Variants in CLSTN2 observed in about 807,000 individuals in gnomAD.
The protein encoded by CLSTN2 is calsyntenin 2, also known as calsyntenin-2.
A neutral mutation model predicts 101.2 loss-of-function variants in CLSTN2; 48 were observed. The observed-to-expected ratio is 0.47, with a 90% CI of 0.38 to 0.60. The LOEUF (loss-of-function observed/expected upper bound fraction) is 0.60, where lower values mean the gene tolerates loss of function less well. Ranked by LOEUF, CLSTN2 falls within the 20% of genes least tolerant of loss-of-function variation. The pLI, the probability that CLSTN2 is intolerant of heterozygous loss-of-function variation, is 0.00. For missense variants in CLSTN2, 1,160 were observed against 1,238.2 expected, an observed-to-expected ratio of 0.94 and a Z score of 0.95; for synonymous variants, 481 against 463.6, an observed-to-expected ratio of 1.04 and a Z score of -0.48.
intron 1 of CLSTN2, among the ~76,000 whole-genome samples, chr3:140,175,696 A>G (rs1457059860): frequency 6.6e-6 from 1 of 152,202 alleles, no homozygotes; most frequent in African/African-American, 2.4e-5. Flanking sequence ...CCGTGGTCTT[A>G]GAGGCAAAAC....
chr3:140,481,150 C>T (rs933931841), intron 8 of CLSTN2, among the ~76,000 whole-genome samples: 1 of 152,166 alleles, frequency 6.6e-6, no homozygotes, highest in Non-Finnish European at 1.5e-5. Flanking sequence ...GATCCAGTTT[C>T]AGCTTTCTAC....
chr3:140,305,023 GACACAC>G (rs374893786), intron 2 of CLSTN2, among the ~76,000 whole-genome samples: 156 of 143,160 alleles, frequency 1.1e-3, no homozygotes, highest in Non-Finnish European at 1.7e-3. Flanking sequence ...CACACACAGA[GACACAC>G]ACACACACAC....
intron 2 of CLSTN2, among the ~76,000 whole-genome samples, chr3:140,249,081 C>T (rs1450289150): frequency 1.3e-5 from 2 of 152,128 alleles, no homozygotes; most frequent in Non-Finnish European, 2.9e-5. Context: ...CCTATTCCTT[C>T]CCTGCTGCTT....
chr3:140,164,161 G>T (rs1286882423), intron 1 of CLSTN2, among the ~76,000 whole-genome samples: 1 of 151,880 alleles, frequency 6.6e-6, no homozygotes, highest in Admixed American at 6.6e-5. Context: ...CTTTTTCCTT[G>T]CCCCTTTTTA....
At chr3:140,163,639 T>C (rs922894627) in intron 1 of CLSTN2, among the ~76,000 whole-genome samples, 1 of 151,442 alleles carries the variant, frequency 6.6e-6, no homozygotes, top group African/African-American at 2.4e-5. Flanking sequence ...TGCCATTGCA[T>C]TGACTTCTTG....
intron 2 of CLSTN2, among the ~76,000 whole-genome samples, chr3:140,192,530 C>T (rs968539519): frequency 5.3e-5 from 8 of 151,778 alleles, no homozygotes; most frequent in African/African-American, 1.9e-4. Flanking sequence ...TGAAGTGGCC[C>T]TTTAATCATT....
chr3:140,406,563 C>T (rs892501104), intron 4 of CLSTN2, among the ~76,000 whole-genome samples: 1 of 152,238 alleles, frequency 6.6e-6, no homozygotes, highest in Non-Finnish European at 1.5e-5. Context: ...CTGTCAGAAT[C>T]GTTCCCCGAT....
rs140530726 is a variant in CLSTN2, at chr3:139,978,290, T to C, written c.109+42807T>C. Among the ~76,000 whole-genome samples the C allele has an allele frequency of 3.3e-3, 500 of 152,308 alleles. 1 individual carries two copies. The highest frequency in any genetic ancestry group is 6.3e-3 in the Admixed American group (97 of 15,304). The stretch of plus-strand genomic sequence containing the variant: ...TCTCATGGGATATCTATACACTTGT[T>C]TTTGAACTGTTGCTCTGGGGATAAT... On this transcript the variant is annotated intron_variant, in intron 1 of 16. Transcript: ENST00000458420.
At chr3:140,102,656 C>G (rs566374475) in intron 1 of CLSTN2, among the ~76,000 whole-genome samples, 2 of 152,324 alleles carry the variant, frequency 1.3e-5, no homozygotes, top group Non-Finnish European at 2.9e-5. Context: ...TGTTTCTTCA[C>G]ATTGTTAATG....
intron 8 of CLSTN2, among the ~76,000 whole-genome samples, chr3:140,521,366 C>T (rs1257284233): frequency 6.6e-6 from 1 of 152,184 alleles, no homozygotes; most frequent in Non-Finnish European, 1.5e-5. Flanking sequence ...AGTCAGGCTA[C>T]CCTTCCATAG....
chr3:139,997,751 T>C (rs982423016), intron 1 of CLSTN2, among the ~76,000 whole-genome samples: 6 of 152,212 alleles, frequency 3.9e-5, no homozygotes, highest in Non-Finnish European at 8.8e-5. Context: ...CAAATATACA[T>C]TTTCAAATAT....
chr3:140,038,117 A>C (rs2007694641), intron 1 of CLSTN2, among the ~76,000 whole-genome samples: 1 of 152,126 alleles, frequency 6.6e-6, no homozygotes, highest in Non-Finnish European at 1.5e-5. Context: ...TTGAGGAATC[A>C]CCACACTGTC....
intron 1 of CLSTN2, among the ~76,000 whole-genome samples, chr3:140,071,597 T>C (rs914464448): frequency 1.3e-5 from 2 of 152,174 alleles, no homozygotes; most frequent in Non-Finnish European, 2.9e-5. Flanking sequence ...TTTGGGAGGC[T>C]GAGGCGGGTG....
intron 2 of CLSTN2, among the ~76,000 whole-genome samples, chr3:140,225,281 C>T (rs1269010329): frequency 6.6e-6 from 1 of 152,178 alleles, no homozygotes; most frequent in Non-Finnish European, 1.5e-5. Context: ...AGACACCAGC[C>T]ACCTTTCCTG....
intron 1 of CLSTN2, among the ~76,000 whole-genome samples, chr3:139,966,550 G>A (rs1337653040): frequency 6.6e-6 from 1 of 152,078 alleles, no homozygotes; most frequent in African/African-American, 2.4e-5. Flanking sequence ...CTCAGCTCAG[G>A]CCTCACCCCT....
Position 140,225,460 on chromosome 3 carries a change from T to C in CLSTN2, c.232+49387T>C, listed in dbSNP as rs917998428. On this transcript the variant is annotated intron_variant, in intron 2 of 16. Transcript: ENST00000458420. ...TGCAGCATAAAGTTCAAATATTTTA[T>C]GCAAGATGAATACGGGCACTGACAT... is the stretch of plus-strand genomic sequence containing the variant. 2.0e-5 allele frequency among the ~76,000 whole-genome samples: 3 copies of C among 151,704 alleles called. No homozygotes were observed. In the South Asian group the frequency reaches 6.3e-4, roughly 32 times the overall value.
At chr3:139,948,440 G>A (rs915844968) in intron 1 of CLSTN2, among the ~76,000 whole-genome samples, 1 of 151,752 alleles carries the variant, frequency 6.6e-6, no homozygotes, top group Non-Finnish European at 1.5e-5. Context: ...ACTCCGGCTT[G>A]GGTGACAGAG....
chr3:140,230,867 T>C (rs1284745100), intron 2 of CLSTN2, among the ~76,000 whole-genome samples: 2 of 152,130 alleles, frequency 1.3e-5, no homozygotes, highest in African/African-American at 4.8e-5. Context: ...AAGCACTCCT[T>C]CATTATATTT....
In CLSTN2 at chr3:140,569,122, G is replaced by T. The variant is rs1213171773; in HGVS notation, c.*2869G>T. The T allele has an allele frequency of 6.6e-6, 1 of 152,246 alleles. No homozygotes were observed. The highest frequency in any genetic ancestry group is 2.4e-5 in the African/African-American group (1 of 41,458). 9.4% of individuals were successfully genotyped at this position (152,246 alleles called of 1,614,324 possible). On this transcript the variant is annotated 3_prime_UTR_variant, in exon 17 of 17. Coordinates refer to ENST00000458420, the MANE Select transcript of CLSTN2 (RefSeq NM_022131.3). ...CGGGAGTGGTTATATCCCAGTAACA[G>T]AAGCTTTGGGAGGTATCCAGGTGAG...
Sources: allele counts gnomAD v4.1 joint callset (sites outside exome capture counted in the v4.1 genomes callset), GRCh38; gene constraint gnomAD v4.1.1; transcripts MANE v1.5; gene names NCBI Gene and HGNC (gene_info 2026-07-23, HGNC 2026-07-21).